Variants in DACH2 observed in about 807,000 individuals in gnomAD.
DACH2 encodes the protein dachshund family transcription factor 2, also known as dachshund homolog 2.
DACH2 carries 17 observed loss-of-function variants against 35.8 expected under a neutral mutation model. The observed-to-expected ratio is 0.48, with a 90% CI of 0.33 to 0.71. The LOEUF (loss-of-function observed/expected upper bound fraction) is 0.71. DACH2 is among the 30% of genes least tolerant of loss of function. The pLI is 0.02. For synonymous variants in DACH2, 195 were observed against 177.3 expected, an observed-to-expected ratio of 1.10 and a Z score of -0.79; for missense variants, 469 against 472.7, an observed-to-expected ratio of 0.99 and a Z score of 0.07.
At chrX:86,321,145 C>CCTT (rs1464259130) in intron 1 of DACH2, among the ~76,000 whole-genome samples, 1 of 111,412 alleles carries the variant, frequency 9.0e-6, no homozygotes, top group East Asian at 2.8e-4. Context: ...CCCTATATCC[C>CCTT]CTTTTAGCTA....
chrX:86,804,425 T>G (rs368753541), intron 7 of DACH2, among the ~76,000 whole-genome samples: 1 of 111,669 alleles, frequency 9.0e-6, no homozygotes, highest in East Asian at 2.8e-4. Context: ...TCTCCAACAC[T>G]GGGGATGACA....
At position 86,789,386 on chromosome X, in the gene DACH2, C is replaced by T. The variant is rs73228652; in HGVS notation, c.1241-23470C>T. Among the ~76,000 whole-genome samples, 92 of 111,988 alleles carry T rather than the reference C, an allele frequency of 8.2e-4. 1 individual carries two copies. Among genetic ancestry groups the T allele is most frequent in the South Asian group, 6.6e-3 (18 of 2,710 alleles). Reference sequence around the variant, plus strand: ...GATAGTGTTTAGTTTGCATGGCTAACACAAATACATTTACCCTAACTTTTA... The same window carrying T: ...GATAGTGTTTAGTTTGCATGGCTAATACAAATACATTTACCCTAACTTTTA... On this transcript the variant is annotated intron_variant, in intron 7 of 11. Transcript: ENST00000373125.
At chrX:86,172,318 A>G (rs775040328) in intron 1 of DACH2, among the ~76,000 whole-genome samples, 6 of 112,079 alleles carry the variant, frequency 5.4e-5, no homozygotes, top group Non-Finnish European at 1.1e-4. Context: ...AGATCACTTA[A>G]TCTCATTTAG....
chrX:86,443,001 G>A (rs1365223116), intron 2 of DACH2, among the ~76,000 whole-genome samples: 1 of 111,843 alleles, frequency 8.9e-6, no homozygotes, highest in Non-Finnish European at 1.9e-5. Flanking sequence ...TTGGAAGTCA[G>A]GTAGTGTGAT....
intron 4 of DACH2, among the ~76,000 whole-genome samples, chrX:86,652,306 C>T (rs1001486113): frequency 8.9e-6 from 1 of 112,306 alleles, no homozygotes; most frequent in Admixed American, 9.5e-5. Context: ...CATAGTATTC[C>T]ATGGTGCACA....
chrX:86,278,096 C>T (rs190194416), intron 1 of DACH2, among the ~76,000 whole-genome samples: 84 of 111,461 alleles, frequency 7.5e-4, no homozygotes, highest in African/African-American at 2.5e-3. Flanking sequence ...CATATGGTTA[C>T]TCTTTGGTGG....
chrX:86,486,445 T>C (rs2038020351), intron 2 of DACH2, among the ~76,000 whole-genome samples: 1 of 111,189 alleles, frequency 9.0e-6, no homozygotes, highest in African/African-American at 3.3e-5. Context: ...GAAAATTACA[T>C]CTAGTGTGAA....
chrX:86,397,812 T>C (rs1419836489), intron 2 of DACH2, among the ~76,000 whole-genome samples: 1 of 112,049 alleles, frequency 8.9e-6, no homozygotes, highest in Non-Finnish European at 1.9e-5. Context: ...TTGAGGATTT[T>C]TGCATCAATG....
intron 1 of DACH2, among the ~76,000 whole-genome samples, chrX:86,374,868 T>C (rs1466595811): frequency 1.8e-5 from 2 of 110,504 alleles, no homozygotes; most frequent in African/African-American, 6.6e-5. Context: ...ATAATATTAG[T>C]ATCATCATCT....
At chrX:86,786,189 C>T (rs1210571096) in intron 7 of DACH2, among the ~76,000 whole-genome samples, 1 of 111,445 alleles carries the variant, frequency 9.0e-6, no homozygotes, top group Non-Finnish European at 1.9e-5. Flanking sequence ...AACCATTTTG[C>T]AGTGGGGTGA....
At chrX:86,454,730 C>T (rs7877711) in intron 2 of DACH2, among the ~76,000 whole-genome samples, 81 of 111,718 alleles carry the variant, frequency 7.3e-4, no homozygotes, top group African/African-American at 1.3e-3. Flanking sequence ...TCCTTTAGCG[C>T]GGTGAAGTTT....
Position 86,364,835 on chromosome X carries a change from A to G in DACH2, c.489-11989A>G, listed in dbSNP as rs143574797. On this transcript the variant is annotated intron_variant, in intron 1 of 11. Transcript: ENST00000373125. ...CTGATGAAACTTTAGGGAAAAAAAT[A>G]CATGCCTGTTGAAGTTTTAGACTTA... 4.9e-3 allele frequency among the ~76,000 whole-genome samples: 552 copies of G among 111,901 alleles called. 2 individuals are homozygous for G. Among genetic ancestry groups the G allele is most frequent in the Non-Finnish European group, 7.4e-3 (395 of 53,024 alleles).
chrX:86,265,134 G>A (rs1444072404), intron 1 of DACH2, among the ~76,000 whole-genome samples: 1 of 111,527 alleles, frequency 9.0e-6, no homozygotes. Flanking sequence ...AGTGGATATG[G>A]CAGTTCCTTG....
intron 2 of DACH2, among the ~76,000 whole-genome samples, chrX:86,479,273 G>A (rs754661945): frequency 9.0e-6 from 1 of 110,849 alleles, no homozygotes; most frequent in African/African-American, 3.3e-5. Context: ...GGGCATGGCG[G>A]GCCAGCGTGG....
chrX:86,157,599 T>A (rs1017431323), intron 1 of DACH2, among the ~76,000 whole-genome samples: 13 of 111,264 alleles, frequency 1.2e-4, no homozygotes, highest in Non-Finnish European at 2.1e-4. Context: ...GATGAACATC[T>A]GTGCTATTTT....
intron 1 of DACH2, among the ~76,000 whole-genome samples, chrX:86,324,638 G>T (rs113786443): frequency 2.7e-3 from 264 of 98,319 alleles, no homozygotes; most frequent in Middle Eastern, 0.011. Context: ...GAGTGCAGTG[G>T]CGTGATCTCG....
chrX:86,266,960 C>A (rs770280206), intron 1 of DACH2, among the ~76,000 whole-genome samples: 1 of 111,725 alleles, frequency 9.0e-6, no homozygotes, highest in South Asian at 3.7e-4. Context: ...AATCATCATA[C>A]TGATGCATGT....
At chrX:86,743,683 A>T (rs1435141800) in intron 7 of DACH2, among the ~76,000 whole-genome samples, 1 of 111,561 alleles carries the variant, frequency 9.0e-6, no homozygotes, top group African/African-American at 3.2e-5. Flanking sequence ...TTTTAATTTC[A>T]TTGATCTATG....
intron 2 of DACH2, among the ~76,000 whole-genome samples, chrX:86,464,491 A>C (rs1431175365): frequency 9.0e-6 from 1 of 110,513 alleles, no homozygotes; most frequent in Non-Finnish European, 1.9e-5. Context: ...GATACCGGGA[A>C]GGGAACATCA....
Sources: allele counts gnomAD v4.1 joint callset (sites outside exome capture counted in the v4.1 genomes callset), GRCh38; gene constraint gnomAD v4.1.1; transcripts MANE v1.5; gene names NCBI Gene and HGNC (gene_info 2026-07-23, HGNC 2026-07-21).